CLIP1: variants seen among roughly 807,000 people sequenced by gnomAD.
The protein encoded by CLIP1 is CAP-Gly domain-containing linker protein 1.
In CLIP1, 66 loss-of-function variants were observed where a neutral mutation model predicts 161.6. The ratio of observed to expected loss-of-function variants is 0.41; its 90% CI spans 0.33 to 0.50. The LOEUF (loss-of-function observed/expected upper bound fraction) is 0.50, where lower values mean the gene tolerates loss of function less well. Among genes scored for constraint, CLIP1 ranks in the 20% least tolerant of loss-of-function variants. CLIP1 has a pLI of 0.27. For synonymous variants in CLIP1, 598 were observed against 626.2 expected (o/e 0.96, Z 0.67); for missense variants, 1,376 against 1,702.0 (o/e 0.81, Z 3.37).
intron 20 of CLIP1, among the ~76,000 whole-genome samples, chr12:122,290,746 A>G (rs35963777): frequency 0.22 from 34,186 of 152,054 alleles, 4,970 homozygotes; most frequent in East Asian, 0.62. Context: ...GAGATGTTTG[A>G]TATTTATCAT....
rs1473098243 is a variant in CLIP1 at position 122,360,983 on chromosome 12, G to A, written c.981C>T (p.Ser327=). Residue 327 remains serine (S), a synonymous_variant, in exon 5 of 26, where the codon AGC becomes AGT. Coordinates refer to ENST00000620786, the MANE Select transcript of CLIP1 (RefSeq NM_001247997.2). The part of the protein sequence containing the change: ...SSMSSVASSV[S]SRPSRTGLLT... ...CTAGTCCTGTCCGACTGGGCCTGCT[G>A]CTCACAGAGGAGGCCACTGAGCTCA... 1 of 1,613,622 alleles carries A rather than the reference G, an allele frequency of 6.2e-7. No individual in the cohort carries two copies. The highest frequency in any genetic ancestry group is 8.5e-7 in the Non-Finnish European group (1 of 1,179,958).
At chr12:122,390,641 G>A (rs1398489798) in intron 1 of CLIP1, among the ~76,000 whole-genome samples, 8 of 151,620 alleles carry the variant, frequency 5.3e-5, no homozygotes, top group Non-Finnish European at 1.0e-4. Context: ...ATGTAATCTT[G>A]CTTTCCAAAC....
At chr12:122,361,642 G>A (rs1402982717) in intron 4 of CLIP1, among the ~76,000 whole-genome samples, 1 of 152,184 alleles carries the variant, frequency 6.6e-6, no homozygotes, top group African/African-American at 2.4e-5. Context: ...CGAGGCGGCA[G>A]ATCACTTGAG....
At chr12:122,390,687 T>G (rs1402999613) in intron 1 of CLIP1, among the ~76,000 whole-genome samples, 1 of 151,794 alleles carries the variant, frequency 6.6e-6, no homozygotes, top group Non-Finnish European at 1.5e-5. Context: ...CATTAACCCC[T>G]AGAATCCACT....
chr12:122,392,261 C>A (rs138611474), intron 1 of CLIP1, among the ~76,000 whole-genome samples: 1 of 152,124 alleles, frequency 6.6e-6, no homozygotes, highest in Non-Finnish European at 1.5e-5. Flanking sequence ...ATAGAACGAG[C>A]CCCATCTCTA....
rs558936037 is a variant in CLIP1, at chr12:122,329,397, T to TG, written c.2868-972dup. 2.4e-4 allele frequency among the ~76,000 whole-genome samples: 36 copies of TG among 151,060 alleles called. No homozygotes were observed. The South Asian group carries it at 3.4e-3, about 14-fold the overall frequency. ...TAATCCCAGCACTTTGGGAGGCCGA[T>TG]GGGGGGGCGGATCACGAGGTTAGGA... On this transcript the variant is annotated intron_variant, in intron 15 of 25. Coordinates refer to ENST00000620786, the MANE Select transcript of CLIP1 (RefSeq NM_001247997.2).
chr12:122,373,533 A>C (rs1954560924), intron 3 of CLIP1, among the ~76,000 whole-genome samples: 1 of 152,048 alleles, frequency 6.6e-6, no homozygotes, highest in Non-Finnish European at 1.5e-5. Flanking sequence ...AAAAAAAAAA[A>C]AACTTACCAG....
In CLIP1 at chr12:122,341,206, C is replaced by A. The variant is rs957212583; in HGVS notation, c.1998G>T (p.Met666Ile). ...CTATTTCGTGTTGGTAATCTAGTCT[C>A]ATTTTCTCTATTTGTGTTTTTAGTT... The part of the protein sequence containing the change: ...FAELKTQIEK[M>I]RLDYQHEIEN... Residue 666 changes from methionine (M) to isoleucine (I), a missense_variant, in exon 11 of 26, where the codon ATG becomes ATT. Physicochemically the swap from Met to Ile is conservative, Grantham distance 10 (BLOSUM62 1). Around this residue, in one of 6 missense-constraint regions of CLIP1, gnomAD observed 948 missense variants for 1,134.8 expected, o/e 0.84. Transcript: ENST00000620786. 32 of 1,614,012 alleles carry A rather than the reference C, an allele frequency of 2.0e-5. No homozygotes were observed. Among genetic ancestry groups the A allele is most frequent in the Non-Finnish European group, 2.7e-5 (32 of 1,180,028 alleles).
chr12:122,351,021 G>A (rs1953009514), intron 9 of CLIP1, 90 bp downstream of exon 9: 4 of 947,502 alleles, frequency 4.2e-6, no homozygotes, highest in Non-Finnish European at 4.7e-6. Flanking sequence ...AGATTATGCA[G>A]TTAGTGTTTG....
rs566670681 is a variant in CLIP1, at chr12:122,339,069, G to A, written c.2451+1684C>T. Among the ~76,000 whole-genome samples, 6 of 152,290 alleles carry A rather than the reference G, an allele frequency of 3.9e-5. No individual in the cohort carries two copies. The East Asian group carries it at 1.2e-3, about 29-fold the overall frequency. On this transcript the variant is annotated intron_variant, in intron 11 of 25. Coordinates refer to ENST00000620786, the MANE Select transcript of CLIP1 (RefSeq NM_001247997.2). Reference sequence around the variant, plus strand: ...ATACCAGTGCCTCAACTAGTGGCAGGACTGGGAAACAATTCCTCGAACCAC... The same window carrying A: ...ATACCAGTGCCTCAACTAGTGGCAGAACTGGGAAACAATTCCTCGAACCAC...
rs201532228 is a variant in CLIP1 at position 122,372,118 on chromosome 12, T to TG, written c.657+5270dup. On this transcript the variant is annotated intron_variant, in intron 3 of 25. Coordinates refer to ENST00000620786, the MANE Select transcript of CLIP1 (RefSeq NM_001247997.2). ...CCAACATGGTGAAACCCTGTCTCTATGGGGAAAAAAAAAAAATACAGTCTG... is the reference window on the plus strand; with the variant it reads ...CCAACATGGTGAAACCCTGTCTCTATGGGGGAAAAAAAAAAAATACAGTCTG... Among the ~76,000 whole-genome samples the TG allele has an allele frequency of 3.3e-5, 5 of 150,056 alleles. 1 individual carries two copies. The highest frequency in any genetic ancestry group is 1.2e-4 in the African/African-American group (5 of 40,754).
At chr12:122,354,716 C>G in intron 6 of CLIP1, 160 bp from the exon 7 acceptor site, 1 of 602,794 alleles carries the variant, frequency 1.7e-6, no homozygotes, top group Non-Finnish European at 3.0e-6. Context: ...TTCTCAACAG[C>G]TTTCCTGGAA....
chr12:122,313,221 T>C (rs971231443), intron 19 of CLIP1, among the ~76,000 whole-genome samples: 9 of 151,888 alleles, frequency 5.9e-5, no homozygotes, highest in African/African-American at 2.2e-4. Flanking sequence ...GGCAGAAAAA[T>C]AGTAGAAAAT....
intron 1 of CLIP1, among the ~76,000 whole-genome samples, chr12:122,390,180 T>TATATATATATATATATATA (rs143285217): frequency 7.5e-6 from 1 of 134,086 alleles, no homozygotes; most frequent in Non-Finnish European, 1.6e-5. Flanking sequence ...CAGATATATA[T>TATATATATATATATATATA]ATATATATAT....
intron 6 of CLIP1, chr12:122,354,867 C>G: frequency 1.7e-6 from 1 of 587,136 alleles, no homozygotes; most frequent in Middle Eastern, 4.5e-4. Context: ...TGGCCTAACA[C>G]AGACAGGCCA....
chr12:122,350,821 G>T (rs777948668), intron 9 of CLIP1, among the ~76,000 whole-genome samples: 1 of 151,624 alleles, frequency 6.6e-6, no homozygotes, highest in Non-Finnish European at 1.5e-5. Flanking sequence ...AGGTGAAGAA[G>T]GCCAGGTCTC....
intron 1 of CLIP1, among the ~76,000 whole-genome samples, chr12:122,420,560 C>A (rs1217503609): frequency 1.3e-5 from 2 of 152,164 alleles, no homozygotes; most frequent in African/African-American, 4.8e-5. Context: ...GGAAGATGTA[C>A]TTAACTGCTT....
chr12:122,419,531 C>T (rs1956864101), intron 1 of CLIP1, among the ~76,000 whole-genome samples: 1 of 151,988 alleles, frequency 6.6e-6, no homozygotes, highest in Admixed American at 6.6e-5. Flanking sequence ...GAACCAGGTG[C>T]CCAGTATGTG....
At chr12:122,393,811 C>T (rs1955772713) in intron 1 of CLIP1, among the ~76,000 whole-genome samples, 2 of 144,056 alleles carry the variant, frequency 1.4e-5, no homozygotes, top group South Asian at 4.3e-4. Flanking sequence ...ATTCAGCAGG[C>T]TAAGCCAGGA....
Sources: gnomAD v4.1 joint callset for allele counts (sites outside exome capture counted in the v4.1 genomes callset) on GRCh38, gnomAD v4.1.1 for gene constraint, gnomAD v4.1.1 regional missense constraint, MANE v1.5 for transcripts, NCBI Gene and HGNC (gene_info 2026-07-23, HGNC 2026-07-21) for gene names.